Variants in COL25A1 observed in about 807,000 individuals in gnomAD.
The protein encoded by COL25A1 is collagen type XXV alpha 1 chain.
A neutral mutation model predicts 128.4 loss-of-function variants in COL25A1; 103 were observed. That is an observed-to-expected ratio of 0.80 (90% CI 0.68 to 0.94). COL25A1 has a LOEUF of 0.94. Among genes scored for constraint, COL25A1 ranks in the 40% least tolerant of loss-of-function variants. The pLI, the probability that COL25A1 is intolerant of heterozygous loss-of-function variation, is 0.00. For synonymous variants in COL25A1, 279 were observed against 277.2 expected, an observed-to-expected ratio of 1.01 and a Z score of -0.06; for missense variants, 745 against 840.0, an observed-to-expected ratio of 0.89 and a Z score of 1.40.
chr4:108,864,811 C>A (rs2125798508), intron 20 of COL25A1, among the ~76,000 whole-genome samples: 1 of 152,270 alleles, frequency 6.6e-6, no homozygotes, highest in Non-Finnish European at 1.5e-5. Flanking sequence ...CATGTATTAT[C>A]CTATTTAATC....
chr4:109,004,297 T>G (rs749758639), intron 6 of COL25A1, among the ~76,000 whole-genome samples: 2 of 152,156 alleles, frequency 1.3e-5, no homozygotes, highest in Non-Finnish European at 2.9e-5. Flanking sequence ...ACTCACTGAA[T>G]AATAGACAGT....
intron 3 of COL25A1, among the ~76,000 whole-genome samples, chr4:109,102,086 CACCT>C (rs2126023711): frequency 6.6e-6 from 1 of 152,188 alleles, no homozygotes; most frequent in African/African-American, 2.4e-5. Flanking sequence ...TTATCATGTT[CACCT>C]TATAGAAATC....
chr4:109,263,221 G>A (rs1363027200), intron 3 of COL25A1, among the ~76,000 whole-genome samples: 2 of 152,196 alleles, frequency 1.3e-5, no homozygotes, highest in African/African-American at 4.8e-5. Context: ...AATATATCAT[G>A]TTGGGGAGTT....
At chr4:108,815,546 C>A (rs1289170891) in intron 37 of COL25A1, among the ~76,000 whole-genome samples, 1 of 151,972 alleles carries the variant, frequency 6.6e-6, no homozygotes, top group Non-Finnish European at 1.5e-5. Flanking sequence ...GTAAACAATA[C>A]TAAACTTTCA....
At chr4:108,841,559 T>A (rs965805430) in intron 31 of COL25A1, 136 bp downstream of exon 31, 3 of 681,066 alleles carry the variant, frequency 4.4e-6, no homozygotes, top group Non-Finnish European at 7.5e-6. Flanking sequence ...GATTTAAACA[T>A]ATGGATGCTT....
At chr4:109,155,000 T>C (rs1268757970) in intron 3 of COL25A1, among the ~76,000 whole-genome samples, 1 of 152,182 alleles carries the variant, frequency 6.6e-6, no homozygotes, top group Non-Finnish European at 1.5e-5. Flanking sequence ...TCCCCTCCCA[T>C]ATATTTGGAT....
Position 108,863,342 on chromosome 4 carries a change from C to G in COL25A1, c.1129G>C (p.Glu377Gln). The G allele has an allele frequency of 6.2e-7, 1 of 1,613,784 alleles. No homozygotes were observed. Among genetic ancestry groups the G allele is most frequent in the East Asian group, 2.2e-5 (1 of 44,838 alleles). The part of the protein sequence containing the change: ...AGPPGRGERG[E>Q]PGAPGPKGKQ... Reference sequence around the variant, plus strand: ...ACCTTTGGTCCGGGGGCTCCAGGTTCCCCTCGCTCACCTCTTCCAGGAGGC... The same window carrying G: ...ACCTTTGGTCCGGGGGCTCCAGGTTGCCCTCGCTCACCTCTTCCAGGAGGC... The change falls in exon 21 of 38, where the codon GAA becomes CAA. Residue 377 changes from glutamate to glutamine, a missense_variant. Physicochemically the swap from Glu to Gln is conservative, Grantham distance 29. This residue lies in a region of COL25A1 where 387 missense variants were observed against 441.9 expected (regional missense o/e 0.88). Coordinates refer to ENST00000399132, the MANE Select transcript of COL25A1 (RefSeq NM_198721.4).
At chr4:108,895,233 CA>C (rs1347206042) in intron 16 of COL25A1, among the ~76,000 whole-genome samples, 1 of 152,048 alleles carries the variant, frequency 6.6e-6, no homozygotes, top group Non-Finnish European at 1.5e-5. Context: ...TTTTATTTTG[CA>C]GCTATGTTTT....
intron 3 of COL25A1, among the ~76,000 whole-genome samples, chr4:109,080,470 C>T (rs955857709): frequency 9.2e-5 from 14 of 151,938 alleles, no homozygotes; most frequent in Non-Finnish European, 2.1e-4. Context: ...TCTGTGATAC[C>T]CTTACCCAAA....
chr4:108,986,713 A>T (rs1191505930), intron 6 of COL25A1, among the ~76,000 whole-genome samples: 1 of 152,216 alleles, frequency 6.6e-6, no homozygotes, highest in African/African-American at 2.4e-5. Flanking sequence ...CTTGGTTCTA[A>T]CAAAACATCT....
intron 31 of COL25A1, among the ~76,000 whole-genome samples, chr4:108,836,030 C>G (rs2125739147): frequency 6.6e-6 from 1 of 151,710 alleles, no homozygotes; most frequent in East Asian, 1.9e-4. Context: ...CACCACCAAG[C>G]CTGGCTAATT....
chr4:108,963,647 AAAG>A (rs1408794957), intron 8 of COL25A1, among the ~76,000 whole-genome samples: 4 of 152,138 alleles, frequency 2.6e-5, no homozygotes, highest in African/African-American at 9.6e-5. Context: ...AATATAAGAC[AAAG>A]AATAAAACCT....
At chr4:109,222,322 A>G (rs1778489256) in intron 3 of COL25A1, among the ~76,000 whole-genome samples, 1 of 152,044 alleles carries the variant, frequency 6.6e-6, no homozygotes, top group East Asian at 1.9e-4. Flanking sequence ...TCGGCCTCCC[A>G]AAGTGCTGGG....
chr4:108,953,457 AT>A (rs1749693395), intron 8 of COL25A1, among the ~76,000 whole-genome samples: 1 of 152,196 alleles, frequency 6.6e-6, no homozygotes, highest in Admixed American at 6.6e-5. Flanking sequence ...TCCTGTAATT[AT>A]TTTTATATTT....
In COL25A1 at chr4:108,852,361, C is replaced by G. The variant is rs1057455318; in HGVS notation, c.1345-81G>C. 7.0e-6 allele frequency: 7 copies of G among 998,394 alleles called. No homozygotes were observed. The African/African-American group carries it at 1.2e-4, about 17-fold the overall frequency. 61.8% of individuals were successfully genotyped at this position (998,394 alleles called of 1,614,324 possible). ...ATACCTTAAATAGGCACACTATACA[C>G]CTTCCTTATTTCTATCGTAATCAGA... On this transcript the variant is annotated intron_variant, in intron 25 of 37. Transcript: ENST00000399132.
At chr4:109,296,895 T>C (rs955803229) in intron 3 of COL25A1, among the ~76,000 whole-genome samples, 12 of 152,074 alleles carry the variant, frequency 7.9e-5, no homozygotes, top group African/African-American at 2.7e-4. Context: ...AACCTTCTCA[T>C]AGATATGCCT....
At chr4:109,265,970 G>T (rs1292807545) in intron 3 of COL25A1, among the ~76,000 whole-genome samples, 3 of 151,986 alleles carry the variant, frequency 2.0e-5, no homozygotes, top group African/African-American at 7.2e-5. Flanking sequence ...TCTTTTCTCA[G>T]GTACTTTTCT....
chr4:108,897,654 T>G (rs1742301066), intron 15 of COL25A1, among the ~76,000 whole-genome samples: 1 of 152,236 alleles, frequency 6.6e-6, no homozygotes, highest in African/African-American at 2.4e-5. Flanking sequence ...CATAAGCTAT[T>G]AATGATAACA....
At chr4:108,962,343 G>A (rs1223062529) in intron 8 of COL25A1, among the ~76,000 whole-genome samples, 2 of 151,772 alleles carry the variant, frequency 1.3e-5, no homozygotes, top group Non-Finnish European at 2.9e-5. Flanking sequence ...GCTACGACCA[G>A]CCAGTTTTTG....
Sources: allele counts gnomAD v4.1 joint callset (sites outside exome capture counted in the v4.1 genomes callset), GRCh38; gene constraint gnomAD v4.1.1; regional missense constraint gnomAD v4.1.1; transcripts MANE v1.5; gene names NCBI Gene and HGNC (gene_info 2026-07-23, HGNC 2026-07-21).